The following SMPDL3B variants were observed in gnomAD, a reference collection of about 807,000 sequenced individuals.
SMPDL3B encodes sphingomyelin phosphodiesterase acid like 3B.
SMPDL3B carries 31 observed loss-of-function variants against 37.9 expected under a neutral mutation model. The observed-to-expected ratio is 0.82, with a 90% CI of 0.61 to 1.10. The LOEUF (loss-of-function observed/expected upper bound fraction) is 1.10, where lower values mean the gene tolerates loss of function less well. Ranked by LOEUF, SMPDL3B falls within the 50% of genes least tolerant of loss-of-function variation. SMPDL3B has a pLI of 0.00. For missense variants in SMPDL3B, 525 were observed against 597.8 expected (o/e 0.88, Z 1.27); for synonymous variants, 235 against 242.6 (o/e 0.97, Z 0.29).
intron 1 of SMPDL3B, among the ~76,000 whole-genome samples, chr1:27,937,131 G>T (rs1302697421): frequency 1.3e-5 from 2 of 152,236 alleles, no homozygotes; most frequent in South Asian, 2.1e-4. Context: ...CTGAGACAGG[G>T]GATCAGACAG....
intron 1 of SMPDL3B, among the ~76,000 whole-genome samples, chr1:27,935,793 G>A (rs2148671176): frequency 6.6e-6 from 1 of 152,336 alleles, no homozygotes; most frequent in South Asian, 2.1e-4. Flanking sequence ...CAAATCAGGT[G>A]ACACTCAAGT....
chr1:27,948,151 C>G (rs2090426102), intron 2 of SMPDL3B, among the ~76,000 whole-genome samples: 2 of 152,072 alleles, frequency 1.3e-5, no homozygotes, highest in South Asian at 4.1e-4. Context: ...CCCCGTGTCT[C>G]TGGTGCTTGA....
intron 2 of SMPDL3B, among the ~76,000 whole-genome samples, chr1:27,948,443 C>T (rs1301787659): frequency 6.6e-6 from 1 of 152,272 alleles, no homozygotes; most frequent in East Asian, 1.9e-4. Flanking sequence ...CTACACTCCA[C>T]CTGCCACCAT....
At chr1:27,942,988 C>T (rs1214367813) in intron 1 of SMPDL3B, among the ~76,000 whole-genome samples, 3 of 152,172 alleles carry the variant, frequency 2.0e-5, no homozygotes, top group African/African-American at 7.2e-5. Flanking sequence ...TTAGTGATCA[C>T]AATATGTGTG....
chr1:27,951,484 T>C (rs1344908398), intron 3 of SMPDL3B, among the ~76,000 whole-genome samples: 1 of 152,184 alleles, frequency 6.6e-6, no homozygotes, highest in Non-Finnish European at 1.5e-5. Flanking sequence ...GAGTCAGCTG[T>C]GAACACTGGT....
chr1:27,950,145 C>T (rs1015418464), intron 3 of SMPDL3B, among the ~76,000 whole-genome samples: 1 of 152,118 alleles, frequency 6.6e-6, no homozygotes, highest in African/African-American at 2.4e-5. Flanking sequence ...TGTCTGTTCC[C>T]GCTGCTTCCT....
chr1:27,955,546 A>G, intron 5 of SMPDL3B, 138 bp from the exon 6 acceptor site: 1 of 790,604 alleles, frequency 1.3e-6, no homozygotes, highest in South Asian at 1.6e-5. Context: ...TGGGACATGG[A>G]ATCCGGGAGG....
In SMPDL3B at chr1:27,945,589, T is replaced by G. The variant is rs2148676061; in HGVS notation, c.275+144T>G. 1.4e-6 allele frequency: 1 copy of G among 706,204 alleles called. No homozygotes were observed. The highest frequency in any genetic ancestry group is 1.7e-5 in the South Asian group (1 of 58,130). 43.7% of individuals were successfully genotyped at this position (706,204 alleles called of 1,614,324 possible). A position where few individuals can be genotyped will look rare whatever the true frequency, so the allele number is the denominator to read the frequency against. On this transcript the variant is annotated intron_variant, in intron 2 of 7. Coordinates refer to ENST00000373894, the MANE Select transcript of SMPDL3B (RefSeq NM_014474.4). This position sits in a 1 kb window ranked among gnomAD's most constrained non-coding sequence, Gnocchi z 4.0. ...GAGGAACCTAAAGCTCAAAGGAATTTTGTAACTTGCCCGGGGATTCCTGAG... is the reference window on the plus strand; with the variant it reads ...GAGGAACCTAAAGCTCAAAGGAATTGTGTAACTTGCCCGGGGATTCCTGAG...
intron 7 of SMPDL3B, 80 bp downstream of exon 7, chr1:27,956,162 TC>T (rs1174622994): frequency 6.2e-7 from 1 of 1,613,234 alleles, no homozygotes; most frequent in Non-Finnish European, 8.5e-7. Flanking sequence ...TCTCAGCTTA[TC>T]CACCTTCCCC....
At position 27,958,657 on chromosome 1, in the gene SMPDL3B, A is replaced by G. The variant is rs1557502591; in HGVS notation, c.1187A>G (p.Asn396Ser). 2 of 1,613,978 alleles carry G rather than the reference A, an allele frequency of 1.2e-6. No individual in the cohort carries two copies. Among genetic ancestry groups the G allele is most frequent in the Admixed American group, 1.7e-5 (1 of 60,022 alleles). Residue 396 changes from asparagine (N) to serine (S), a missense_variant, in exon 8 of 8, where the codon AAC becomes AGC. Asn to Ser is a conservative substitution (Grantham distance 46, BLOSUM62 1). Transcript: ENST00000373894. This position sits in a 1 kb window ranked among gnomAD's most constrained non-coding sequence, Gnocchi z 5.6. ...QSTLQRYYVYNSVSYSAGVCD... is the reference protein window; with the variant it reads ...QSTLQRYYVYSSVSYSAGVCD... ...ACACTGCAGCGCTACTACGTCTATA[A>G]CTCAGTCAGCTACTCTGCTGGGGTC...
At chr1:27,952,625 CCT>C (rs2090463557) in intron 3 of SMPDL3B, among the ~76,000 whole-genome samples, 1 of 152,214 alleles carries the variant, frequency 6.6e-6, no homozygotes, top group African/African-American at 2.4e-5. Context: ...CCACTCCTAC[CCT>C]CTGTTATTAC....
In SMPDL3B at chr1:27,945,524, A is replaced by G; in HGVS notation, c.275+79A>G. 1 of 1,131,168 alleles carries G rather than the reference A, an allele frequency of 8.8e-7. No homozygotes were observed. The allele number at this position is 1,131,168 out of a possible 1,614,324, so 70.1% of individuals were successfully genotyped here. A position where few individuals can be genotyped will look rare whatever the true frequency, so the allele number is the denominator to read the frequency against. ...CATACCAGTCTGGCCCTTTGCCCAC[A>G]TTATCTCCCTTAATCCTCACATCAG... On this transcript the variant is annotated intron_variant, in intron 2 of 7. Coordinates refer to ENST00000373894, the MANE Select transcript of SMPDL3B (RefSeq NM_014474.4). This position sits in a 1 kb window ranked among gnomAD's most constrained non-coding sequence, Gnocchi z 4.0.
intron 1 of SMPDL3B, among the ~76,000 whole-genome samples, chr1:27,937,320 G>A (rs764365264): frequency 1.6e-4 from 24 of 152,218 alleles, no homozygotes; most frequent in Non-Finnish European, 2.5e-4. Context: ...CTGTGGGTTA[G>A]CTTGGTAGGA....
intron 1 of SMPDL3B, among the ~76,000 whole-genome samples, chr1:27,936,910 A>C (rs2090313040): frequency 6.6e-6 from 1 of 152,108 alleles, no homozygotes; most frequent in African/African-American, 2.4e-5. Context: ...CGTCCCAGCT[A>C]CTTGGGAGGC....
intron 1 of SMPDL3B, among the ~76,000 whole-genome samples, chr1:27,941,122 T>C (rs894835936): frequency 4.6e-5 from 7 of 152,186 alleles, no homozygotes; most frequent in African/African-American, 1.7e-4. Flanking sequence ...AGAGCTTAAT[T>C]ATTTTGATGT....
Position 27,935,095 on chromosome 1 carries a change from G to T in SMPDL3B, c.-89G>T. The T allele has an allele frequency of 1.0e-6, 1 of 984,890 alleles. No individual in the cohort carries two copies. The highest frequency in any genetic ancestry group is 1.9e-5 in the Admixed American group (1 of 52,120). The allele number at this position is 984,890 out of a possible 1,614,324, so 61.0% of individuals were successfully genotyped here. A position where few individuals can be genotyped will look rare whatever the true frequency, so the allele number is the denominator to read the frequency against. ...AGGACAAGGAGTTCTGCTCAGGCACGTGGCCACAGAAAACTACTTAGGAAG... is the reference window on the plus strand; with the variant it reads ...AGGACAAGGAGTTCTGCTCAGGCACTTGGCCACAGAAAACTACTTAGGAAG... On this transcript the variant is annotated 5_prime_UTR_variant, in exon 1 of 8. Coordinates refer to ENST00000373894, the MANE Select transcript of SMPDL3B (RefSeq NM_014474.4).
intron 2 of SMPDL3B, among the ~76,000 whole-genome samples, chr1:27,947,458 A>T (rs2090419468): frequency 6.6e-6 from 1 of 151,258 alleles, no homozygotes; most frequent in East Asian, 2.0e-4. Context: ...CTTCTAAGAG[A>T]GCTGCAGTCC....
At chr1:27,946,431 T>G (rs1461527609) in intron 2 of SMPDL3B, among the ~76,000 whole-genome samples, 4 of 151,888 alleles carry the variant, frequency 2.6e-5, no homozygotes, top group African/African-American at 9.7e-5. Flanking sequence ...GGGCAACAAG[T>G]CGTGCTCAGT....
chr1:27,949,826 C>T (rs2090441408), intron 3 of SMPDL3B, among the ~76,000 whole-genome samples: 1 of 152,156 alleles, frequency 6.6e-6, no homozygotes, highest in African/African-American at 2.4e-5. Flanking sequence ...GCCCCCACCC[C>T]CACCTTTTTT....
Sources: allele counts gnomAD v4.1 joint callset (sites outside exome capture counted in the v4.1 genomes callset), GRCh38; gene constraint gnomAD v4.1.1; non-coding constraint Gnocchi (gnomAD v3.1); transcripts MANE v1.5; gene names NCBI Gene and HGNC (gene_info 2026-07-23, HGNC 2026-07-21).